The following RNGTT variants were observed in gnomAD, a reference collection of about 807,000 sequenced individuals.
The protein encoded by RNGTT is RNA guanylyltransferase and 5'-phosphatase.
Under a neutral mutation model 79.3 loss-of-function variants are expected in RNGTT, and 33 were observed. The ratio of observed to expected loss-of-function variants is 0.42; its 90% CI spans 0.32 to 0.56. The LOEUF is 0.56. Ranked by LOEUF, RNGTT falls within the 20% of genes least tolerant of loss-of-function variation. RNGTT has a pLI of 0.17. For missense variants in RNGTT, 497 were observed against 739.1 expected (o/e 0.67, Z 3.80); for synonymous variants, 222 against 235.9 (o/e 0.94, Z 0.54).
intron 14 of RNGTT, among the ~76,000 whole-genome samples, chr6:88,651,831 G>A (rs1180611843): frequency 6.6e-6 from 1 of 151,958 alleles, no homozygotes; most frequent in Non-Finnish European, 1.5e-5. Context: ...CAAATCTGAT[G>A]TAAAATACTA....
chr6:88,700,534 A>AG (rs1196993591), intron 13 of RNGTT, among the ~76,000 whole-genome samples: 3 of 152,158 alleles, frequency 2.0e-5, no homozygotes, highest in Non-Finnish European at 2.9e-5. Context: ...CCAGTTAATA[A>AG]GGGGGGGCAG....
At chr6:88,903,224 G>C (rs969191201) in intron 6 of RNGTT, among the ~76,000 whole-genome samples, 3 of 152,128 alleles carry the variant, frequency 2.0e-5, no homozygotes, top group Admixed American at 2.0e-4. Context: ...CCAGCAACAT[G>C]GTGCTTGTAA....
intron 13 of RNGTT, among the ~76,000 whole-genome samples, chr6:88,704,304 T>C (rs1298671366): frequency 2.0e-5 from 3 of 150,780 alleles, no homozygotes; most frequent in Non-Finnish European, 4.4e-5. Flanking sequence ...TTCAATCCTT[T>C]GTTTTGTTGC....
chr6:88,949,513 C>T (rs1167160768), intron 1 of RNGTT, among the ~76,000 whole-genome samples: 2 of 152,070 alleles, frequency 1.3e-5, no homozygotes, highest in Non-Finnish European at 2.9e-5. Flanking sequence ...CCACCCACCT[C>T]GGCCTCCCAA....
At chr6:88,801,366 G>C (rs1779776777) in intron 12 of RNGTT, among the ~76,000 whole-genome samples, 198 bp downstream of exon 12, 1 of 152,142 alleles carries the variant, frequency 6.6e-6, no homozygotes, top group South Asian at 2.1e-4. Context: ...GCTCATTTTA[G>C]TATTACATGT....
chr6:88,883,685 CAAATATTAGAAG>C (rs750390780), intron 8 of RNGTT, among the ~76,000 whole-genome samples: 2 of 151,916 alleles, frequency 1.3e-5, no homozygotes, highest in Non-Finnish European at 2.9e-5. Context: ...TCAAACCATA[CAAATATTAGAAG>C]AAATATGAGA....
chr6:88,639,596 G>T lies in RNGTT; in HGVS notation c.1507-25201C>A, dbSNP rs552023958. 4.7e-4 allele frequency among the ~76,000 whole-genome samples: 71 copies of T among 152,258 alleles called. 1 individual carries two copies. The highest frequency in any genetic ancestry group is 7.2e-4 in the Admixed American group (11 of 15,278). ...TCATACTTCCCTTATAGTTCTTGCT[G>T]TATTACTCTCTGCTTTGTAGCTATT... On this transcript the variant is annotated intron_variant, in intron 14 of 15. Coordinates refer to ENST00000369485, the MANE Select transcript of RNGTT (RefSeq NM_003800.5).
intron 14 of RNGTT, among the ~76,000 whole-genome samples, chr6:88,664,789 C>A: frequency 6.6e-6 from 1 of 152,174 alleles, no homozygotes; most frequent in African/African-American, 2.4e-5. Flanking sequence ...GGGGACCAGG[C>A]TCACGTGCCC....
intron 13 of RNGTT, among the ~76,000 whole-genome samples, chr6:88,751,357 T>G (rs1192524891): frequency 6.6e-6 from 1 of 152,150 alleles, no homozygotes; most frequent in East Asian, 1.9e-4. Flanking sequence ...TTATAAATAT[T>G]AGAACACTAC....
intron 1 of RNGTT, among the ~76,000 whole-genome samples, chr6:88,959,699 A>C (rs1323114928): frequency 6.6e-6 from 1 of 152,206 alleles, no homozygotes; most frequent in Non-Finnish European, 1.5e-5. Context: ...TTAAACACAG[A>C]AAAGTCAAAG....
rs536813705 is a variant in RNGTT at position 88,946,711 on chromosome 6, G to C, written c.65-5531C>G. Among the ~76,000 whole-genome samples, 284 of 151,324 alleles carry C rather than the reference G, an allele frequency of 1.9e-3. 1 individual carries two copies. The highest frequency in any genetic ancestry group is 0.01 in the Middle Eastern group (3 of 292). Reference sequence around the variant, plus strand: ...GGTCTCCCTCTCATGCGGAGCCGAAGCTGGACTGTACTGCTGCCATCTCGG... The same window carrying C: ...GGTCTCCCTCTCATGCGGAGCCGAACCTGGACTGTACTGCTGCCATCTCGG... On this transcript the variant is annotated intron_variant, in intron 1 of 15. Transcript: ENST00000369485.
intron 11 of RNGTT, among the ~76,000 whole-genome samples, chr6:88,802,931 T>G (rs1443937018): frequency 6.6e-6 from 1 of 152,220 alleles, no homozygotes; most frequent in East Asian, 1.9e-4. Flanking sequence ...TCTAAATTTT[T>G]GGATATGCTG....
chr6:88,739,087 G>A (rs1424661956), intron 13 of RNGTT, among the ~76,000 whole-genome samples: 1 of 152,014 alleles, frequency 6.6e-6, no homozygotes, highest in Non-Finnish European at 1.5e-5. Flanking sequence ...AATTTTCACT[G>A]TAGCCAACAG....
At chr6:88,701,458 TTA>T in intron 13 of RNGTT, among the ~76,000 whole-genome samples, 1 of 152,184 alleles carries the variant, frequency 6.6e-6, no homozygotes, top group East Asian at 1.9e-4. Flanking sequence ...GTGTGTATAT[TTA>T]TATATATAGC....
intron 13 of RNGTT, among the ~76,000 whole-genome samples, chr6:88,748,375 C>G (rs960554494): frequency 6.6e-6 from 1 of 152,054 alleles, no homozygotes; most frequent in African/African-American, 2.4e-5. Context: ...GGATCTTTTG[C>G]TCCAGCTATT....
intron 13 of RNGTT, among the ~76,000 whole-genome samples, chr6:88,717,922 G>A (rs1055192692): frequency 1.3e-5 from 2 of 152,132 alleles, no homozygotes; most frequent in Non-Finnish European, 2.9e-5. Flanking sequence ...AGAAGGCTGA[G>A]TGGGGGAGCC....
rs141599686 is a variant in RNGTT, at chr6:88,859,242, T to C, written c.897-5478A>G. ...TTTATCTTAGAAAACAAAAAACTACTTGTATGAGACAAACAGAAACCATAA... is the reference window on the plus strand; with the variant it reads ...TTTATCTTAGAAAACAAAAAACTACCTGTATGAGACAAACAGAAACCATAA... On this transcript the variant is annotated intron_variant, in intron 8 of 15. Coordinates refer to ENST00000369485, the MANE Select transcript of RNGTT (RefSeq NM_003800.5). 6.7e-4 allele frequency among the ~76,000 whole-genome samples: 102 copies of C among 151,974 alleles called. 2 individuals are homozygous for C. The East Asian group carries it at 0.016, about 24-fold the overall frequency.
chr6:88,930,947 T>C (rs1784496467), intron 2 of RNGTT, among the ~76,000 whole-genome samples: 2 of 152,002 alleles, frequency 1.3e-5, no homozygotes, highest in South Asian at 2.1e-4. Context: ...CCAAGTAAAG[T>C]AGTAAGAAGA....
intron 8 of RNGTT, among the ~76,000 whole-genome samples, chr6:88,886,023 A>G (rs2127931259): frequency 6.6e-6 from 1 of 152,300 alleles, no homozygotes; most frequent in Non-Finnish European, 1.5e-5. Flanking sequence ...ATTATTGCAG[A>G]GGCCGGGCGC....
Sources: gnomAD v4.1 joint callset for allele counts (sites outside exome capture counted in the v4.1 genomes callset) on GRCh38, gnomAD v4.1.1 for gene constraint, MANE v1.5 for transcripts, NCBI Gene and HGNC (gene_info 2026-07-23, HGNC 2026-07-21) for gene names.